PTPRD: variants seen among roughly 807,000 people sequenced by gnomAD.
PTPRD encodes the protein protein tyrosine phosphatase receptor type D.
Under a neutral mutation model 214.5 loss-of-function variants are expected in PTPRD, and 34 were observed. The ratio of observed to expected loss-of-function variants is 0.16; its 90% CI spans 0.12 to 0.21. The LOEUF is 0.21. Ranked by LOEUF, PTPRD falls within the 10% of genes least tolerant of loss-of-function variation. The pLI, the probability that PTPRD is intolerant of heterozygous loss-of-function variation, is 1.00. For synonymous variants in PTPRD, 1,128 were observed against 845.7 expected, an observed-to-expected ratio of 1.33 and a Z score of -5.79; for missense variants, 2,545 against 2,398.7, an observed-to-expected ratio of 1.06 and a Z score of -1.27.
At chr9:8,846,679 C>T (rs1166017371) in intron 11 of PTPRD, among the ~76,000 whole-genome samples, 1 of 152,050 alleles carries the variant, frequency 6.6e-6, no homozygotes, top group Admixed American at 6.6e-5. Context: ...CAATGTGGTA[C>T]ATCTGGGAAA....
At chr9:9,231,362 T>A (rs1361953423) in intron 9 of PTPRD, among the ~76,000 whole-genome samples, 1 of 152,126 alleles carries the variant, frequency 6.6e-6, no homozygotes, top group Non-Finnish European at 1.5e-5. Flanking sequence ...AATAAGTAAT[T>A]AGAGTATATT....
At chr9:10,421,987 A>G (rs927988619) in intron 2 of PTPRD, among the ~76,000 whole-genome samples, 2 of 151,916 alleles carry the variant, frequency 1.3e-5, no homozygotes, top group South Asian at 2.1e-4. Flanking sequence ...TTCATTATAG[A>G]AATATTCAAA....
At chr9:9,038,272 G>A (rs571807400) in intron 10 of PTPRD, among the ~76,000 whole-genome samples, 1 of 152,158 alleles carries the variant, frequency 6.6e-6, no homozygotes, top group African/African-American at 2.4e-5. Flanking sequence ...CATGAGCCCA[G>A]ATGGGCAGCT....
At chr9:9,140,597 G>A (rs1035432517) in intron 10 of PTPRD, among the ~76,000 whole-genome samples, 1 of 151,790 alleles carries the variant, frequency 6.6e-6, no homozygotes, top group Non-Finnish European at 1.5e-5. Flanking sequence ...TTATTTTTTT[G>A]AGACGGAGTC....
chr9:8,329,038 T>C (rs1210969711), intron 44 of PTPRD, among the ~76,000 whole-genome samples: 1 of 152,180 alleles, frequency 6.6e-6, no homozygotes, highest in Admixed American at 6.5e-5. Context: ...TGTCAATTTA[T>C]CAAACTCATT....
At chr9:9,220,017 A>C (rs1054677762) in intron 9 of PTPRD, among the ~76,000 whole-genome samples, 2 of 152,170 alleles carry the variant, frequency 1.3e-5, no homozygotes, top group Admixed American at 1.3e-4. Flanking sequence ...GTATCATAAA[A>C]TACTCTTGAA....
chr9:8,872,166 T>G (rs548879626), intron 11 of PTPRD, among the ~76,000 whole-genome samples: 1 of 152,274 alleles, frequency 6.6e-6, no homozygotes, highest in African/African-American at 2.4e-5. Context: ...AATAATTTCC[T>G]CTCCTGGGTC....
chr9:9,872,665 GATAC>G (rs1356672893), intron 5 of PTPRD, among the ~76,000 whole-genome samples: 4 of 152,086 alleles, frequency 2.6e-5, no homozygotes, highest in Non-Finnish European at 5.9e-5. Flanking sequence ...ACATGAGATA[GATAC>G]ACTTAAAGGA....
chr9:9,313,988 T>C (rs1004013738), intron 9 of PTPRD, among the ~76,000 whole-genome samples: 14 of 152,142 alleles, frequency 9.2e-5, no homozygotes, highest in Non-Finnish European at 1.9e-4. Context: ...AATCTAGCTG[T>C]CATTTAGCTA....
chr9:8,914,669 T>C (rs2098772080), intron 11 of PTPRD, among the ~76,000 whole-genome samples: 1 of 152,166 alleles, frequency 6.6e-6, no homozygotes, highest in Admixed American at 6.5e-5. Context: ...TTCTACAAAT[T>C]AACTTCCACA....
At chr9:8,777,804 C>A (rs902020132) in intron 11 of PTPRD, among the ~76,000 whole-genome samples, 4 of 152,084 alleles carry the variant, frequency 2.6e-5, no homozygotes, top group Non-Finnish European at 4.4e-5. Context: ...TCCTATGGGA[C>A]CTAATTTTAG....
intron 21 of PTPRD, among the ~76,000 whole-genome samples, chr9:8,515,462 G>A (rs1430335754): frequency 2.6e-5 from 4 of 152,036 alleles, no homozygotes; most frequent in African/African-American, 9.7e-5. Context: ...TCCATATGTT[G>A]ACATCCTCAT....
intron 3 of PTPRD, among the ~76,000 whole-genome samples, chr9:10,210,782 A>G (rs1370982154): frequency 7.4e-6 from 1 of 134,806 alleles, no homozygotes; most frequent in Non-Finnish European, 1.6e-5. Context: ...TATATATATA[A>G]AATCAAAAAA....
At position 10,511,569 on chromosome 9, in the gene PTPRD, A is replaced by ATTTTTTTTTTTTTTTT. The variant is rs66768632; in HGVS notation, c.-600+100813_-600+100828dup. Among the ~76,000 whole-genome samples the ATTTTTTTTTTTTTTTT allele has an allele frequency of 4.7e-4, 60 of 127,860 alleles. 1 individual carries two copies. Among genetic ancestry groups the ATTTTTTTTTTTTTTTT allele is most frequent in the African/African-American group, 1.6e-3 (53 of 32,558 alleles). The allele number at this position is 127,860 out of a possible 152,430, so 83.9% of individuals were successfully genotyped here. On this transcript the variant is annotated intron_variant, in intron 2 of 45. Coordinates refer to ENST00000381196, the MANE Select transcript of PTPRD (RefSeq NM_002839.4). Reference sequence around the variant, plus strand: ...CAGGTGTGCGCCACCACACCCTGGTATTTTTTTTTTTTTTTTTTGTATTTT... The same window carrying ATTTTTTTTTTTTTTTT: ...CAGGTGTGCGCCACCACACCCTGGTATTTTTTTTTTTTTTTTTTTTTTTTTTTTTTTTTTGTATTTT...
chr9:8,923,159 A>G (rs551174926), intron 11 of PTPRD, among the ~76,000 whole-genome samples: 93 of 151,522 alleles, frequency 6.1e-4, no homozygotes, highest in Non-Finnish European at 1.2e-3. Context: ...CTCCTGCCTC[A>G]GCCTCCTAAG....
chr9:10,605,037 G>C (rs2078941486), intron 2 of PTPRD, among the ~76,000 whole-genome samples: 1 of 151,770 alleles, frequency 6.6e-6, no homozygotes, highest in South Asian at 2.1e-4. Flanking sequence ...GAGAAATCAA[G>C]ACGTGAACTT....
intron 5 of PTPRD, among the ~76,000 whole-genome samples, chr9:9,792,843 T>C (rs1471343549): frequency 6.6e-6 from 1 of 152,176 alleles, no homozygotes; most frequent in East Asian, 1.9e-4. Context: ...TAATTAGTGA[T>C]GAAATTTAAT....
At chr9:10,495,378 T>TGGAA (rs753591254) in intron 2 of PTPRD, among the ~76,000 whole-genome samples, 9 of 151,846 alleles carry the variant, frequency 5.9e-5, no homozygotes, top group Non-Finnish European at 1.0e-4. Flanking sequence ...ATTTTACAAT[T>TGGAA]GTTCTGCTGT....
intron 10 of PTPRD, among the ~76,000 whole-genome samples, chr9:9,150,860 A>T (rs979412638): frequency 6.6e-6 from 1 of 152,234 alleles, no homozygotes; most frequent in Non-Finnish European, 1.5e-5. Context: ...TGATAAAACA[A>T]GTAAGTTCAG....
Sources: gnomAD v4.1 joint callset for allele counts (sites outside exome capture counted in the v4.1 genomes callset) on GRCh38, gnomAD v4.1.1 for gene constraint, MANE v1.5 for transcripts, NCBI Gene and HGNC (gene_info 2026-07-23, HGNC 2026-07-21) for gene names.